The following TRA2A variants were observed in gnomAD, a reference collection of about 807,000 sequenced individuals.
TRA2A encodes transformer-2 protein homolog alpha.
Under a neutral mutation model 45.7 loss-of-function variants are expected in TRA2A, and 31 were observed. That is an observed-to-expected ratio of 0.68 (90% CI 0.51 to 0.92). The LOEUF (loss-of-function observed/expected upper bound fraction) is 0.92. Among genes scored for constraint, TRA2A ranks in the 40% least tolerant of loss-of-function variants. The pLI, the probability that TRA2A is intolerant of heterozygous loss-of-function variation, is 0.00. For synonymous variants in TRA2A, 132 were observed against 126.2 expected (o/e 1.05, Z -0.31); for missense variants, 304 against 367.5 (o/e 0.83, Z 1.41).
intron 4 of TRA2A, among the ~76,000 whole-genome samples, chr7:23,511,254 C>G (rs1205877537): frequency 6.6e-6 from 1 of 150,828 alleles, no homozygotes; most frequent in Non-Finnish European, 1.5e-5. Flanking sequence ...GTCTGTAGTC[C>G]CAGCTACTCG....
chr7:23,526,230 A>T (rs574364622), intron 1 of TRA2A, among the ~76,000 whole-genome samples: 76 of 152,228 alleles, frequency 5.0e-4, no homozygotes, highest in African/African-American at 1.6e-3. Context: ...ATTCCAACAC[A>T]ATATATATAT....
intron 1 of TRA2A, among the ~76,000 whole-genome samples, chr7:23,524,005 A>C (rs1790240702): frequency 6.6e-6 from 1 of 152,154 alleles, no homozygotes; most frequent in Non-Finnish European, 1.5e-5. Context: ...TCAAACATAC[A>C]CAGGAGGCTT....
chr7:23,520,612 CAA>C (rs1187653538), intron 2 of TRA2A, among the ~76,000 whole-genome samples: 3 of 151,602 alleles, frequency 2.0e-5, no homozygotes, highest in Admixed American at 6.6e-5. Context: ...GTAGACTATT[CAA>C]AGACATAAAA....
chr7:23,506,183 T>C lies in TRA2A; in HGVS notation c.725A>G (p.Tyr242Cys), dbSNP rs918034037. ...TTCATATCTGTCATACCCACGATCA[T>C]ATCCTCTATCATAGTAAGAATCTCG... ...RRRDSYYDRGYDRGYDRYEDY... is the reference protein window; with the variant it reads ...RRRDSYYDRGCDRGYDRYEDY... The change falls in exon 6 of 8, where the codon TAT becomes TGT. Residue 242 changes from tyrosine to cysteine, a missense_variant. By Grantham distance (194) the Tyr-to-Cys change is radical. This residue lies in a region of TRA2A where 130 missense variants were observed against 217.1 expected (regional missense o/e 0.60). Coordinates refer to ENST00000297071, the MANE Select transcript of TRA2A (RefSeq NM_013293.5). The C allele has an allele frequency of 1.2e-6, 2 of 1,613,832 alleles. No individual in the cohort carries two copies. The highest frequency in any genetic ancestry group is 1.7e-5 in the Admixed American group (1 of 59,982).
chr7:23,518,374 C>T (rs1789982450), intron 2 of TRA2A, among the ~76,000 whole-genome samples: 1 of 152,056 alleles, frequency 6.6e-6, no homozygotes, highest in African/African-American at 2.4e-5. Context: ...CAGAGTCTCA[C>T]TTCTTCACCC....
chr7:23,525,483 C>T (rs554128603), intron 1 of TRA2A, among the ~76,000 whole-genome samples: 1 of 152,290 alleles, frequency 6.6e-6, no homozygotes, highest in African/African-American at 2.4e-5. Context: ...TAACTCAACT[C>T]GTATCATGAA....
intron 2 of TRA2A, among the ~76,000 whole-genome samples, chr7:23,518,090 C>T (rs1437589972): frequency 1.3e-5 from 2 of 151,776 alleles, no homozygotes; most frequent in African/African-American, 4.8e-5. Flanking sequence ...AGGCATGCAC[C>T]ACCATGCCTG....
At chr7:23,517,288 C>T (rs1789916903) in intron 2 of TRA2A, among the ~76,000 whole-genome samples, 1 of 150,374 alleles carries the variant, frequency 6.7e-6, no homozygotes, top group Non-Finnish European at 1.5e-5. Flanking sequence ...CGAGACCATC[C>T]TGGCTAACAT....
At chr7:23,516,172 T>C (rs1349729857) in intron 3 of TRA2A, among the ~76,000 whole-genome samples, 191 bp downstream of exon 3, 1 of 152,194 alleles carries the variant, frequency 6.6e-6, no homozygotes, top group Admixed American at 6.5e-5. Flanking sequence ...TTGCATTCTT[T>C]GTCATAAAAC....
At chr7:23,518,850 A>G (rs1394595278) in intron 2 of TRA2A, among the ~76,000 whole-genome samples, 1 of 150,736 alleles carries the variant, frequency 6.6e-6, no homozygotes, top group African/African-American at 2.4e-5. Context: ...CACACCTGGC[A>G]AATTTTTTGT....
At chr7:23,512,815 T>C (rs1267276514) in intron 4 of TRA2A, 79 bp downstream of exon 4, 5 of 1,096,710 alleles carry the variant, frequency 4.6e-6, no homozygotes, top group African/African-American at 1.6e-5. Flanking sequence ...AAGGATGCAA[T>C]GTTTACAGAA....
chr7:23,522,181 C>T, intron 1 of TRA2A: 2 of 1,141,478 alleles, frequency 1.8e-6, no homozygotes, highest in Non-Finnish European at 2.2e-6. Context: ...TTCACTCTTG[C>T]TTTCTACTTC....
At chr7:23,521,490 T>C (rs893864171) in intron 2 of TRA2A, among the ~76,000 whole-genome samples, 1 of 152,196 alleles carries the variant, frequency 6.6e-6, no homozygotes, top group African/African-American at 2.4e-5. Context: ...ACCCAGGCTG[T>C]GGTGCAGTGG....
chr7:23,515,615 G>A (rs560810660), intron 3 of TRA2A, among the ~76,000 whole-genome samples: 23 of 151,714 alleles, frequency 1.5e-4, no homozygotes, highest in Admixed American at 7.9e-4. Flanking sequence ...GCACAATCTC[G>A]GCTCACTGCA....
At chr7:23,524,187 C>T (rs1318301583) in intron 1 of TRA2A, among the ~76,000 whole-genome samples, 2 of 151,994 alleles carry the variant, frequency 1.3e-5, no homozygotes, top group Non-Finnish European at 1.5e-5. Flanking sequence ...GAGATGTTAG[C>T]TTATTTATTT....
chr7:23,507,352 A>G (rs1789390622), intron 5 of TRA2A, 68 bp downstream of exon 5: 2 of 1,280,384 alleles, frequency 1.6e-6, no homozygotes, highest in East Asian at 4.6e-5. Flanking sequence ...AAAGTTTCTG[A>G]GTAATCAAAA....
At chr7:23,521,577 C>G in intron 2 of TRA2A, 130 bp downstream of exon 2, 1 of 1,064,028 alleles carries the variant, frequency 9.4e-7, no homozygotes, top group Non-Finnish European at 1.4e-6. Context: ...TATTCATTTA[C>G]AAAGAGCAGT....
chr7:23,528,052 A>G (rs559723090), intron 1 of TRA2A, among the ~76,000 whole-genome samples: 3 of 152,212 alleles, frequency 2.0e-5, no homozygotes, highest in Non-Finnish European at 4.4e-5. Flanking sequence ...TATCCCTACT[A>G]TAAGAAAGAA....
At chr7:23,509,134 G>A (rs1347338344) in intron 4 of TRA2A, among the ~76,000 whole-genome samples, 1 of 152,054 alleles carries the variant, frequency 6.6e-6, no homozygotes, top group Non-Finnish European at 1.5e-5. Flanking sequence ...ACCACACCCG[G>A]TCCAATTTTT....
Sources: allele counts gnomAD v4.1 joint callset (sites outside exome capture counted in the v4.1 genomes callset), GRCh38; gene constraint gnomAD v4.1.1; regional missense constraint gnomAD v4.1.1; transcripts MANE v1.5; gene names NCBI Gene and HGNC (gene_info 2026-07-23, HGNC 2026-07-21).